DPP6: variants seen among roughly 807,000 people sequenced by gnomAD.
DPP6 encodes the protein dipeptidyl peptidase like 6.
DPP6 carries 69 observed loss-of-function variants against 122.6 expected under a neutral mutation model. That is an observed-to-expected ratio of 0.56 (90% CI 0.46 to 0.69). The LOEUF (loss-of-function observed/expected upper bound fraction) is 0.69, where lower values mean the gene tolerates loss of function less well. Ranked by LOEUF, DPP6 falls within the 30% of genes least tolerant of loss-of-function variation. DPP6 has a pLI of 0.00. For synonymous variants in DPP6, 418 were observed against 433.1 expected, an observed-to-expected ratio of 0.97 and a Z score of 0.43; for missense variants, 928 against 1,116.9, an observed-to-expected ratio of 0.83 and a Z score of 2.41.
At chr7:154,543,636 C>G (rs753402650) in intron 4 of DPP6, among the ~76,000 whole-genome samples, 2 of 152,144 alleles carry the variant, frequency 1.3e-5, no homozygotes. Context: ...ATTCAGTCAT[C>G]CTTTATTGTG....
the DPP6 span, among the ~76,000 whole-genome samples, chr7:153,833,584 C>T: frequency 1.3e-5 from 2 of 151,886 alleles, no homozygotes; most frequent in Non-Finnish European, 2.9e-5. Context: ...GGCAGGTGAA[C>T]TGCTTGAACC....
chr7:154,866,051 G>A lies in DPP6; in HGVS notation c.1715-1944G>A, dbSNP rs368090618. Among the ~76,000 whole-genome samples, 24 of 152,222 alleles carry A rather than the reference G, an allele frequency of 1.6e-4. No homozygotes were observed. The East Asian group carries it at 2.5e-3, about 16-fold the overall frequency. On this transcript the variant is annotated intron_variant, in intron 17 of 25. Transcript: ENST00000377770. ...AGTGTATCCAGAGAGCTTGACAGGT[G>A]CCTGAGATAGGGTGGTCAGGTCCCT...
At chr7:154,871,722 C>T (rs1053823013) in intron 18 of DPP6, among the ~76,000 whole-genome samples, 5 of 152,216 alleles carry the variant, frequency 3.3e-5, no homozygotes, top group East Asian at 1.9e-4. Flanking sequence ...AGTAATGAGA[C>T]GCCAGGTCAG....
chr7:154,306,420 T>C (rs1472495713), intron 1 of DPP6, among the ~76,000 whole-genome samples: 1 of 152,224 alleles, frequency 6.6e-6, no homozygotes, highest in African/African-American at 2.4e-5. Flanking sequence ...GAGACACCAA[T>C]AGATTCACAA....
chr7:154,549,247 A>G (rs1440489215), intron 4 of DPP6, among the ~76,000 whole-genome samples: 1 of 152,244 alleles, frequency 6.6e-6, no homozygotes, highest in Non-Finnish European at 1.5e-5. Flanking sequence ...ACAAGCCAGA[A>G]GGCTTTCATA....
At chr7:154,099,036 A>G (rs1253352574) in intron 1 of DPP6, among the ~76,000 whole-genome samples, 1 of 152,210 alleles carries the variant, frequency 6.6e-6, no homozygotes, top group African/African-American at 2.4e-5. Flanking sequence ...GATGCAGTGG[A>G]CAGATTTATG....
At chr7:154,060,756 GTCCCTCTTCCC>G (rs1801707568) in intron 1 of DPP6, among the ~76,000 whole-genome samples, 23 of 125,620 alleles carry the variant, frequency 1.8e-4, no homozygotes, top group South Asian at 5.4e-4. Context: ...CTGAGAGCCA[GTCCCTCTTCCC>G]CCCCTGGCTC....
chr7:154,240,760 G>C (rs1235848921), intron 1 of DPP6, among the ~76,000 whole-genome samples: 1 of 152,118 alleles, frequency 6.6e-6, no homozygotes, highest in Non-Finnish European at 1.5e-5. Flanking sequence ...ATTTCCTCAA[G>C]TCCTGCTAAT....
chr7:154,578,501 TCGGGCTTGG>T (rs1831832024), intron 5 of DPP6, among the ~76,000 whole-genome samples: 1 of 1,506 alleles, frequency 6.6e-4, no homozygotes, highest in Non-Finnish European at 1.4e-3. Context: ...CAGGGGCTAT[TCGGGCTTGG>T]CAGGGGCTAT....
chr7:154,612,801 G>A (rs1833991002), intron 5 of DPP6, among the ~76,000 whole-genome samples: 1 of 152,172 alleles, frequency 6.6e-6, no homozygotes, highest in Non-Finnish European at 1.5e-5. Flanking sequence ...TCATCAACAT[G>A]TGGTGTTTTC....
chr7:154,836,715 A>G (rs888345867), intron 16 of DPP6, among the ~76,000 whole-genome samples: 1 of 152,004 alleles, frequency 6.6e-6, no homozygotes, highest in African/African-American at 2.4e-5. Flanking sequence ...TTTTGATTTC[A>G]CCTCTTTTCG....
chr7:153,989,592 T>C (rs987302835), intron 1 of DPP6, among the ~76,000 whole-genome samples: 8 of 151,822 alleles, frequency 5.3e-5, no homozygotes, highest in Admixed American at 5.2e-4. Flanking sequence ...CCAGCTGCGG[T>C]CCAGGGAGGA....
chr7:154,753,350 A>C (rs1843493245), intron 8 of DPP6, among the ~76,000 whole-genome samples: 1 of 152,122 alleles, frequency 6.6e-6, no homozygotes, highest in Admixed American at 6.5e-5. Context: ...CCACACACCC[A>C]GGGTGACACA....
intron 17 of DPP6, among the ~76,000 whole-genome samples, chr7:154,862,273 G>A (rs1425559857): frequency 2.0e-5 from 3 of 152,224 alleles, no homozygotes; most frequent in Non-Finnish European, 4.4e-5. Context: ...TCCTTGGAGC[G>A]AATCAGGCAT....
intron 6 of DPP6, among the ~76,000 whole-genome samples, chr7:154,664,346 G>C (rs576530212): frequency 2.0e-5 from 3 of 152,154 alleles, no homozygotes; most frequent in Non-Finnish European, 2.9e-5. Context: ...TACATTTGTC[G>C]TATCAAAGAA....
At chr7:154,716,042 T>G (rs1203863371) in intron 7 of DPP6, among the ~76,000 whole-genome samples, 1 of 152,242 alleles carries the variant, frequency 6.6e-6, no homozygotes, top group Non-Finnish European at 1.5e-5. Flanking sequence ...CTGTAGATTC[T>G]GAATCCTAAT....
chr7:154,297,763 T>A (rs1805637447), intron 1 of DPP6, among the ~76,000 whole-genome samples: 1 of 152,180 alleles, frequency 6.6e-6, no homozygotes, highest in Non-Finnish European at 1.5e-5. Context: ...TTATGTTTTC[T>A]CCCACGAAGG....
intron 11 of DPP6, among the ~76,000 whole-genome samples, chr7:154,794,408 C>T (rs940720993): frequency 1.3e-5 from 2 of 152,210 alleles, no homozygotes; most frequent in African/African-American, 2.4e-5. Flanking sequence ...CAGACCCGAC[C>T]GAACCCATCC....
chr7:153,786,832 C>G, the DPP6 span, among the ~76,000 whole-genome samples: 1 of 142,010 alleles, frequency 7.0e-6, no homozygotes, highest in South Asian at 2.4e-4. Context: ...ATATTCTGGT[C>G]AGCATAAGAA....
Sources: allele counts gnomAD v4.1 joint callset (sites outside exome capture counted in the v4.1 genomes callset), GRCh38; gene constraint gnomAD v4.1.1; transcripts MANE v1.5; gene names NCBI Gene and HGNC (gene_info 2026-07-23, HGNC 2026-07-21).